PAQR5: variants seen among roughly 807,000 people sequenced by gnomAD.
PAQR5 encodes progestin and adipoQ receptor family member 5.
PAQR5 carries 20 observed loss-of-function variants against 34.5 expected under a neutral mutation model. The observed-to-expected ratio is 0.58, with a 90% confidence interval of 0.41 to 0.84. The LOEUF (loss-of-function observed/expected upper bound fraction) is 0.84, where lower values mean the gene tolerates loss of function less well. Among genes scored for constraint, PAQR5 ranks in the 40% least tolerant of loss-of-function variants. The probability of loss-of-function intolerance (pLI) is 0.00; values close to 1 mark genes in which losing one functional copy is unlikely to be tolerated. For missense variants in PAQR5, 378 were observed against 412.7 expected (o/e 0.92, Z 0.73); for synonymous variants, 131 against 155.6 (o/e 0.84, Z 1.18).
At chr15:69,376,843 G>A (rs2055719739) in intron 3 of PAQR5, among the ~76,000 whole-genome samples, 1 of 152,162 alleles carries the variant, frequency 6.6e-6, no homozygotes, top group South Asian at 2.1e-4. Context: ...GGCTTTTGAC[G>A]ACGTCAGTCC....
chr15:69,324,514 A>G (rs766580601), intron 1 of PAQR5, among the ~76,000 whole-genome samples: 9 of 152,346 alleles, frequency 5.9e-5, no homozygotes, highest in African/African-American at 2.2e-4. Flanking sequence ...CCAAGGGCAC[A>G]CAGTAAATGA....
intron 3 of PAQR5, among the ~76,000 whole-genome samples, chr15:69,378,264 T>TAAAAAAAAAAAAAAAAAAAAAA (rs71149912): frequency 5.0e-5 from 3 of 59,692 alleles, no homozygotes; most frequent in African/African-American, 2.5e-4. Context: ...GACTCCATCT[T>TAAAAAAAAAAAAAAAAAAAAAA]AAAAAAAAAA....
At chr15:69,346,297 A>ATTATT (rs2054767785) in intron 2 of PAQR5, among the ~76,000 whole-genome samples, 2 of 81,490 alleles carry the variant, frequency 2.5e-5, no homozygotes, top group East Asian at 9.3e-4. Context: ...ATATTTTGTA[A>ATTATT]TTTTTTTTTT....
chr15:69,335,443 C>G (rs1227025706), intron 1 of PAQR5, among the ~76,000 whole-genome samples: 1 of 151,068 alleles, frequency 6.6e-6, no homozygotes, highest in Non-Finnish European at 1.5e-5. Context: ...AGGGGTTTCT[C>G]CATGTTGGTC....
intron 1 of PAQR5, among the ~76,000 whole-genome samples, chr15:69,305,378 A>G (rs1200000059): frequency 6.6e-6 from 1 of 152,056 alleles, no homozygotes; most frequent in Non-Finnish European, 1.5e-5. Context: ...ATGAATGTGG[A>G]CTGGGTGTGA....
At chr15:69,348,382 C>T (rs2054826851) in intron 2 of PAQR5, among the ~76,000 whole-genome samples, 1 of 152,142 alleles carries the variant, frequency 6.6e-6, no homozygotes, top group East Asian at 1.9e-4. Flanking sequence ...CCTAAGGTTG[C>T]ACAGGAAACG....
At chr15:69,356,897 G>A (rs1421398597) in intron 2 of PAQR5, among the ~76,000 whole-genome samples, 2 of 152,170 alleles carry the variant, frequency 1.3e-5, no homozygotes, top group South Asian at 2.1e-4. Flanking sequence ...CCCTGCGCAA[G>A]TCTCATGTTG....
intron 2 of PAQR5, among the ~76,000 whole-genome samples, chr15:69,359,744 C>T (rs954362559): frequency 1.3e-5 from 2 of 152,020 alleles, no homozygotes; most frequent in South Asian, 4.2e-4. Context: ...GGGCATAAGA[C>T]AATATGAGGG....
intron 1 of PAQR5, among the ~76,000 whole-genome samples, chr15:69,333,612 G>C (rs897986264): frequency 1.3e-5 from 2 of 152,112 alleles, no homozygotes; most frequent in African/African-American, 4.8e-5. Flanking sequence ...TGGAATGCAG[G>C]GTAGAAGCAT....
chr15:69,350,737 A>G (rs1048555019), intron 2 of PAQR5, among the ~76,000 whole-genome samples: 1 of 152,168 alleles, frequency 6.6e-6, no homozygotes, highest in African/African-American at 2.4e-5. Context: ...CAGTACCTCA[A>G]TCAATTCCCA....
chr15:69,380,029 G>T lies in PAQR5; in HGVS notation c.179+19G>T. The T allele has an allele frequency of 1.9e-6, 3 of 1,613,178 alleles. No individual in the cohort carries two copies. Among genetic ancestry groups the T allele is most frequent in the South Asian group, 2.2e-5 (2 of 90,890 alleles). On this transcript the variant is annotated intron_variant, in intron 4 of 8. Coordinates refer to ENST00000395407, the MANE Select transcript of PAQR5 (RefSeq NM_017705.4). The stretch of plus-strand genomic sequence containing the variant: ...CCTTCTGGTACCTTCTGGCCCCCTC[G>T]ACCGGCCTGTCTCCTTCAGGAGCCC...
intron 2 of PAQR5, among the ~76,000 whole-genome samples, chr15:69,342,267 TTTATTATTATTATTATTATTATTA>T (rs144248170): frequency 3.3e-4 from 50 of 149,286 alleles, no homozygotes; most frequent in Middle Eastern, 3.5e-3. Context: ...TGTTTGTTCT[TTTATTATTATTATTATTATTATTA>T]TTATTATTAT....
chr15:69,371,922 C>T (rs918628236), intron 3 of PAQR5, among the ~76,000 whole-genome samples: 3 of 152,096 alleles, frequency 2.0e-5, no homozygotes, highest in Non-Finnish European at 2.9e-5. Context: ...ACACTGATTT[C>T]TTCTCATCGT....
Position 69,407,550 on chromosome 15 carries a change from T to C in PAQR5, c.*3728T>C, listed in dbSNP as rs1377955201. 6.6e-6 allele frequency: 1 copy of C among 152,232 alleles called. No individual in the cohort carries two copies. Among genetic ancestry groups the C allele is most frequent in the Non-Finnish European group, 1.5e-5 (1 of 68,042 alleles). 9.4% of individuals were successfully genotyped at this position (152,232 alleles called of 1,614,324 possible). A position where few individuals can be genotyped will look rare whatever the true frequency, so the allele number is the denominator to read the frequency against. On this transcript the variant is annotated 3_prime_UTR_variant, in exon 9 of 9. Coordinates refer to ENST00000395407, the MANE Select transcript of PAQR5 (RefSeq NM_017705.4). ...CAATCCATTAAGGCAAAGACCTGTT[T>C]CCAAACTCAGATGTTCTCCAACTTA...
At chr15:69,367,112 T>C (rs920514007) in intron 3 of PAQR5, among the ~76,000 whole-genome samples, 1 of 152,222 alleles carries the variant, frequency 6.6e-6, no homozygotes, top group Non-Finnish European at 1.5e-5. Context: ...TTTATTAGTT[T>C]GACAATATTT....
In PAQR5 at chr15:69,300,965, T is replaced by TTCTTTCTTTCTTTCTTTCTC. The variant is rs1566986865; in HGVS notation, c.-277+1928_-277+1929insCTCTTTCTTTCTTTCTTTCT. Among the ~76,000 whole-genome samples, 2 of 65,136 alleles carry TTCTTTCTTTCTTTCTTTCTC rather than the reference T, an allele frequency of 3.1e-5. 1 individual carries two copies. The highest frequency in any genetic ancestry group is 1.3e-4 in the African/African-American group (2 of 14,998). The allele number at this position is 65,136 out of a possible 152,430, so 42.7% of individuals were successfully genotyped here. ...TTTCTTTCCTTCTTTCTTTCTTTCT[T>TTCTTTCTTTCTTTCTTTCTC]TCTTTCTTTCTTTCTTTCTTTCTTT... On this transcript the variant is annotated intron_variant, in intron 1 of 8. Coordinates refer to ENST00000395407, the MANE Select transcript of PAQR5 (RefSeq NM_017705.4).
At position 69,398,605 on chromosome 15, in the gene PAQR5, A is replaced by G. The variant is rs2056528051; in HGVS notation, c.609+1041A>G. ...CAAGGGGAGGGGCTGAGCTCCACCC[A>G]GCAGCTGGGGCATTGAGCACGTTCT... On this transcript the variant is annotated intron_variant, in intron 7 of 8. Coordinates refer to ENST00000395407, the MANE Select transcript of PAQR5 (RefSeq NM_017705.4). Among the ~76,000 whole-genome samples the G allele has an allele frequency of 3.3e-5, 5 of 152,024 alleles. 1 individual carries two copies. In the South Asian group the frequency reaches 1.0e-3, roughly 32 times the overall value.
chr15:69,343,075 C>G (rs764951379), intron 2 of PAQR5, among the ~76,000 whole-genome samples: 1 of 152,200 alleles, frequency 6.6e-6, no homozygotes, highest in Non-Finnish European at 1.5e-5. Flanking sequence ...TAACAAAATC[C>G]AGACATCCGG....
At chr15:69,389,827 A>T in intron 6 of PAQR5, 47 bp downstream of exon 6, 1 of 1,608,518 alleles carries the variant, frequency 6.2e-7, no homozygotes, top group Non-Finnish European at 8.5e-7. Flanking sequence ...AGGGTCTTGC[A>T]TGCAGCTCCC....
Sources: allele counts gnomAD v4.1 joint callset (sites outside exome capture counted in the v4.1 genomes callset), GRCh38; gene constraint gnomAD v4.1.1; transcripts MANE v1.5; gene names NCBI Gene and HGNC (gene_info 2026-07-23, HGNC 2026-07-21).